EXOC4: variants seen among roughly 807,000 people sequenced by gnomAD.
The protein encoded by EXOC4 is SEC8-like 1.
In EXOC4, 71 loss-of-function variants were observed where a neutral mutation model predicts 107.2. That is an observed-to-expected ratio of 0.66 (90% CI 0.55 to 0.81). EXOC4 has a LOEUF of 0.81. EXOC4 is among the 30% of genes least tolerant of loss of function. EXOC4 has a pLI of 0.00. For missense variants in EXOC4, 1,108 were observed against 1,189.6 expected (o/e 0.93, Z 1.01); for synonymous variants, 456 against 441.2 (o/e 1.03, Z -0.42).
At chr7:133,980,059 G>T (rs963603447) in intron 14 of EXOC4, among the ~76,000 whole-genome samples, 1 of 152,080 alleles carries the variant, frequency 6.6e-6, no homozygotes, top group African/African-American at 2.4e-5. Flanking sequence ...ATTTGAACCT[G>T]CCCTCTGCCT....
intron 17 of EXOC4, among the ~76,000 whole-genome samples, chr7:134,053,051 A>T (rs555085318): frequency 6.6e-6 from 1 of 152,272 alleles, no homozygotes; most frequent in South Asian, 2.1e-4. Context: ...TGTCTCATTC[A>T]TTCATTCTTT....
intron 4 of EXOC4, chr7:133,314,986 A>G (rs1237526691): frequency 6.6e-6 from 1 of 152,288 alleles, no homozygotes; most frequent in Non-Finnish European, 1.5e-5. Flanking sequence ...TTTTATTTGT[A>G]AATATGTATT....
chr7:133,587,176 T>C (rs115334043), intron 9 of EXOC4, among the ~76,000 whole-genome samples: 1,862 of 152,136 alleles, frequency 0.012, 40 homozygotes, highest in African/African-American at 0.042. Flanking sequence ...TGACAAGGAA[T>C]TGGTAAGGTA....
At chr7:134,040,175 A>C (rs1424245424) in intron 17 of EXOC4, among the ~76,000 whole-genome samples, 1 of 152,212 alleles carries the variant, frequency 6.6e-6, no homozygotes, top group Non-Finnish European at 1.5e-5. Context: ...TTTGTGATGT[A>C]GATAGACTAA....
chr7:133,542,169 T>TG (rs112053491), intron 9 of EXOC4, among the ~76,000 whole-genome samples: 8 of 147,058 alleles, frequency 5.4e-5, no homozygotes, highest in East Asian at 2.0e-4. Flanking sequence ...AAATTTTATC[T>TG]TGTGTGTGTG....
chr7:134,076,571 G>A, the EXOC4 span, among the ~76,000 whole-genome samples: 245 of 152,048 alleles, frequency 1.6e-3, no homozygotes, highest in Middle Eastern at 0.01. Context: ...GAGTGTATTA[G>A]CCAGGGTTTT....
intron 10 of EXOC4, among the ~76,000 whole-genome samples, chr7:133,706,389 G>T (rs2151091846): frequency 6.6e-6 from 1 of 152,178 alleles, no homozygotes; most frequent in East Asian, 1.9e-4. Flanking sequence ...ATTAGTATTT[G>T]TACTTATATT....
At chr7:133,758,943 GA>G (rs1049681430) in intron 10 of EXOC4, among the ~76,000 whole-genome samples, 1 of 152,006 alleles carries the variant, frequency 6.6e-6, no homozygotes, top group African/African-American at 2.4e-5. Context: ...AGTGCTTAAG[GA>G]AAAAAATGCT....
intron 10 of EXOC4, among the ~76,000 whole-genome samples, chr7:133,632,066 A>G (rs1174944598): frequency 6.6e-6 from 1 of 152,128 alleles, no homozygotes; most frequent in Non-Finnish European, 1.5e-5. Context: ...AAATATATAT[A>G]CACACACATA....
chr7:133,753,756 T>C (rs1308317988), intron 10 of EXOC4, among the ~76,000 whole-genome samples: 2 of 152,142 alleles, frequency 1.3e-5, no homozygotes, highest in Non-Finnish European at 2.9e-5. Flanking sequence ...TGAGTGTATT[T>C]AGTGGCGTGA....
chr7:133,597,303 C>G (rs1411443900), intron 9 of EXOC4, among the ~76,000 whole-genome samples: 1 of 152,154 alleles, frequency 6.6e-6, no homozygotes, highest in African/African-American at 2.4e-5. Flanking sequence ...CCTGTAATCC[C>G]AGCACTTTGG....
chr7:133,904,863 T>C (rs1799533135), intron 12 of EXOC4, among the ~76,000 whole-genome samples: 1 of 152,168 alleles, frequency 6.6e-6, no homozygotes, highest in South Asian at 2.1e-4. Flanking sequence ...ATGCAAAGTG[T>C]CCTTACTTCC....
At chr7:133,702,329 T>TTCTCC (rs1794677741) in intron 10 of EXOC4, among the ~76,000 whole-genome samples, 1 of 140,954 alleles carries the variant, frequency 7.1e-6, no homozygotes, top group Admixed American at 7.0e-5. Flanking sequence ...GGTTTGTTCA[T>TTCTCC]TCTCTTCTCT....
intron 11 of EXOC4, among the ~76,000 whole-genome samples, chr7:133,825,488 C>G (rs557492444): frequency 1.1e-4 from 17 of 152,278 alleles, no homozygotes; most frequent in African/African-American, 3.8e-4. Flanking sequence ...TGCTGGAGCT[C>G]TTACTGAAAG....
In EXOC4 at chr7:133,911,828, A is replaced by T. The variant is rs889824; in HGVS notation, c.1872-5755A>T. Among the ~76,000 whole-genome samples the T allele has an allele frequency of 2.0e-5, 3 of 152,090 alleles. 1 individual carries two copies. In the South Asian group the frequency reaches 6.2e-4, roughly 32 times the overall value. On this transcript the variant is annotated intron_variant, in intron 12 of 17. Coordinates refer to ENST00000253861, the MANE Select transcript of EXOC4 (RefSeq NM_021807.4). ...AAAATGAGTTGGGCTTGGGCTTCTC[A>T]CTCTGTGGAACAGAATTTGACCTAT...
intron 17 of EXOC4, among the ~76,000 whole-genome samples, chr7:134,041,965 G>T (rs559829795): frequency 1.3e-5 from 2 of 152,200 alleles, no homozygotes; most frequent in South Asian, 4.2e-4. Flanking sequence ...ACATTCTGCT[G>T]GGCATATGTG....
intron 14 of EXOC4, among the ~76,000 whole-genome samples, chr7:133,969,896 G>A (rs1801162054): frequency 6.6e-6 from 1 of 152,262 alleles, no homozygotes; most frequent in Non-Finnish European, 1.5e-5. Flanking sequence ...TCTCTTCAGA[G>A]CTGGCAGGCA....
At chr7:133,413,395 A>G (rs1011396361) in intron 7 of EXOC4, among the ~76,000 whole-genome samples, 1 of 152,156 alleles carries the variant, frequency 6.6e-6, no homozygotes, top group African/African-American at 2.4e-5. Context: ...ACCAATGTAG[A>G]TAGTAAGACT....
At chr7:133,862,496 A>G (rs1271338895) in intron 11 of EXOC4, among the ~76,000 whole-genome samples, 4 of 152,154 alleles carry the variant, frequency 2.6e-5, no homozygotes, top group Non-Finnish European at 5.9e-5. Context: ...GGGCGGGGAA[A>G]AAAAAAGAGC....
Sources: allele counts gnomAD v4.1 joint callset (sites outside exome capture counted in the v4.1 genomes callset), GRCh38; gene constraint gnomAD v4.1.1; transcripts MANE v1.5; gene names NCBI Gene and HGNC (gene_info 2026-07-23, HGNC 2026-07-21).